FRMPD4: variants seen among roughly 807,000 people sequenced by gnomAD.
FRMPD4 encodes FERM and PDZ domain containing 4.
A neutral mutation model predicts 94.1 loss-of-function variants in FRMPD4; 22 were observed. That is an observed-to-expected ratio of 0.23 (90% CI 0.17 to 0.33). The LOEUF is 0.33. Ranked by LOEUF, FRMPD4 falls within the 10% of genes least tolerant of loss-of-function variation. The pLI is 1.00. For synonymous variants in FRMPD4, 631 were observed against 548.6 expected, an observed-to-expected ratio of 1.15 and a Z score of -2.10; for missense variants, 1,111 against 1,339.9, an observed-to-expected ratio of 0.83 and a Z score of 2.67.
intron 1 of FRMPD4, among the ~76,000 whole-genome samples, chrX:11,833,679 G>A (rs773679557): frequency 2.4e-4 from 27 of 111,650 alleles, no homozygotes; most frequent in Non-Finnish European, 4.7e-4. Context: ...GACAAGGTTC[G>A]GTGTGGGTTT....
intron 1 of FRMPD4, among the ~76,000 whole-genome samples, chrX:12,331,885 T>TTATATATATTTATATACTATATATAAA (rs1469178388): frequency 5.9e-5 from 1 of 17,043 alleles, no homozygotes; most frequent in African/African-American, 1.7e-4. Context: ...TATATATAAA[T>TTATATATATTTATATACTATATATAAA]TATATATATT....
At chrX:12,513,394 T>C (rs1362979006) in intron 2 of FRMPD4, among the ~76,000 whole-genome samples, 1 of 112,012 alleles carries the variant, frequency 8.9e-6, no homozygotes, top group Non-Finnish European at 1.9e-5. Flanking sequence ...AATTTTTGTA[T>C]AAGATCTAAG....
chrX:12,040,303 A>AT lies in FRMPD4; in HGVS notation c.95+162300dup, dbSNP rs375661441. Reference sequence around the variant, plus strand: ...AGGAAAGTTCCTCTTGTATCTCGTAATTTTTTTTTTTTTTTGTCTTAAAAT... The same window carrying AT: ...AGGAAAGTTCCTCTTGTATCTCGTAATTTTTTTTTTTTTTTTGTCTTAAAAT... On this transcript the variant is annotated intron_variant, in intron 3 of 18. Coordinates refer to the FRMPD4 transcript ENST00000640291. 3.6e-3 allele frequency among the ~76,000 whole-genome samples: 312 copies of AT among 87,722 alleles called. 1 individual carries two copies. The highest frequency in any genetic ancestry group is 0.012 in the Middle Eastern group (2 of 161). The allele number at this position is 87,722 out of a possible 115,157, so 76.2% of individuals were successfully genotyped here. A position where few individuals can be genotyped will look rare whatever the true frequency, so the allele number is the denominator to read the frequency against.
chrX:12,616,223 G>A (rs947284585), intron 4 of FRMPD4, among the ~76,000 whole-genome samples: 4 of 110,977 alleles, frequency 3.6e-5, no homozygotes, highest in Admixed American at 9.6e-5. Context: ...ATCGTGAATG[G>A]GATTAGTATC....
At chrX:12,542,628 A>AG (rs1411502613) in intron 2 of FRMPD4, among the ~76,000 whole-genome samples, 6 of 111,802 alleles carry the variant, frequency 5.4e-5, no homozygotes, top group Admixed American at 1.9e-4. Flanking sequence ...GCTCATGGAT[A>AG]GAAGAATCAA....
chrX:12,516,775 C>A (rs2058102060), intron 2 of FRMPD4, among the ~76,000 whole-genome samples: 1 of 111,183 alleles, frequency 9.0e-6, no homozygotes, highest in Non-Finnish European at 1.9e-5. Context: ...TGGATGATAT[C>A]CTGAAGTATG....
intron 1 of FRMPD4, among the ~76,000 whole-genome samples, chrX:12,485,332 C>A (rs964410465): frequency 1.8e-5 from 2 of 112,033 alleles, no homozygotes; most frequent in Non-Finnish European, 3.8e-5. Flanking sequence ...AATAGTGGGG[C>A]CAAGTGATCA....
chrX:12,311,277 A>G (rs767403819), intron 1 of FRMPD4, among the ~76,000 whole-genome samples: 2 of 112,389 alleles, frequency 1.8e-5, no homozygotes, highest in African/African-American at 6.5e-5. Flanking sequence ...TAAAAAATCA[A>G]ACATGAATTG....
chrX:12,218,538 T>C (rs2056831555), intron 1 of FRMPD4, among the ~76,000 whole-genome samples: 1 of 112,493 alleles, frequency 8.9e-6, no homozygotes, highest in Admixed American at 9.4e-5. Flanking sequence ...TCAAAATTTA[T>C]AGATCTTTAT....
intron 1 of FRMPD4, among the ~76,000 whole-genome samples, chrX:12,456,675 C>G (rs2057337222): frequency 8.9e-6 from 1 of 112,753 alleles, no homozygotes; most frequent in Admixed American, 9.3e-5. Flanking sequence ...ATGAAAATAA[C>G]TTATTGTAAG....
chrX:12,354,387 G>A (rs776827153), intron 1 of FRMPD4, among the ~76,000 whole-genome samples: 1 of 112,076 alleles, frequency 8.9e-6, no homozygotes, highest in Admixed American at 9.5e-5. Context: ...TGGGAGATTG[G>A]CTCGCAGCTT....
intron 1 of FRMPD4, among the ~76,000 whole-genome samples, chrX:12,292,447 C>T (rs1258916815): frequency 9.0e-6 from 1 of 111,094 alleles, no homozygotes; most frequent in Admixed American, 9.6e-5. Flanking sequence ...TTCAGTGCCT[C>T]ACCCTTATTC....
At chrX:11,961,120 C>G (rs766648278) in intron 3 of FRMPD4, among the ~76,000 whole-genome samples, 1 of 111,641 alleles carries the variant, frequency 9.0e-6, no homozygotes, top group Non-Finnish European at 1.9e-5. Context: ...TTGCACAGTA[C>G]TAGATTAATT....
At chrX:12,000,734 G>A (rs953007180) in intron 3 of FRMPD4, among the ~76,000 whole-genome samples, 12 of 111,816 alleles carry the variant, frequency 1.1e-4, no homozygotes, top group African/African-American at 3.9e-4. Context: ...TAGATTTGGT[G>A]TCTTTTCTCT....
chrX:12,611,076 C>T (rs1016668909), intron 3 of FRMPD4, among the ~76,000 whole-genome samples: 15 of 112,445 alleles, frequency 1.3e-4, no homozygotes, highest in African/African-American at 3.5e-4. Flanking sequence ...CCTCAATCTT[C>T]GTATTACAGT....
intron 1 of FRMPD4, among the ~76,000 whole-genome samples, chrX:12,407,530 A>C (rs1257928519): frequency 3.6e-5 from 4 of 112,043 alleles, no homozygotes; most frequent in African/African-American, 1.3e-4. Flanking sequence ...GAGGGCTATA[A>C]ATGAAATAAG....
At chrX:11,843,283 G>A (rs1022287591) in intron 1 of FRMPD4, among the ~76,000 whole-genome samples, 1 of 111,139 alleles carries the variant, frequency 9.0e-6, no homozygotes, top group South Asian at 3.8e-4. Flanking sequence ...TATTTTGGCC[G>A]CTTCTCTGTA....
chrX:12,453,682 C>CCAT (rs1347560565), intron 1 of FRMPD4, among the ~76,000 whole-genome samples: 2 of 111,472 alleles, frequency 1.8e-5, no homozygotes, highest in Non-Finnish European at 3.8e-5. Flanking sequence ...TCATTTATAA[C>CCAT]CATCACGTAT....
intron 1 of FRMPD4, among the ~76,000 whole-genome samples, chrX:12,290,210 C>T (rs1034613605): frequency 8.9e-6 from 1 of 111,910 alleles, no homozygotes; most frequent in Admixed American, 9.4e-5. Context: ...TCATGCTGTA[C>T]GGAGCAGAGG....
Sources: gnomAD v4.1 joint callset for allele counts (sites outside exome capture counted in the v4.1 genomes callset) on GRCh38, gnomAD v4.1.1 for gene constraint, MANE v1.5 for transcripts, NCBI Gene and HGNC (gene_info 2026-07-23, HGNC 2026-07-21) for gene names.